PDE1A: variants seen among roughly 807,000 people sequenced by gnomAD.
PDE1A encodes the protein phosphodiesterase 1A.
In PDE1A, 35 loss-of-function variants were observed where a neutral mutation model predicts 61.7. The observed-to-expected ratio is 0.57, with a 90% CI of 0.43 to 0.75. The LOEUF (loss-of-function observed/expected upper bound fraction) is 0.75, where lower values mean the gene tolerates loss of function less well. Among genes scored for constraint, PDE1A ranks in the 30% least tolerant of loss-of-function variants. PDE1A has a pLI of 0.00. For missense variants in PDE1A, 597 were observed against 630.6 expected (o/e 0.95, Z 0.57); for synonymous variants, 232 against 213.2 (o/e 1.09, Z -0.77).
intron 1 of PDE1A, among the ~76,000 whole-genome samples, chr2:182,419,886 A>G (rs1475914441): frequency 6.6e-6 from 1 of 152,152 alleles, no homozygotes; most frequent in Middle Eastern, 3.2e-3. Flanking sequence ...TCTTACTTAT[A>G]AAATACATTC....
intron 1 of PDE1A, among the ~76,000 whole-genome samples, chr2:182,268,725 T>C (rs1290695951): frequency 6.6e-6 from 1 of 152,136 alleles, no homozygotes; most frequent in Non-Finnish European, 1.5e-5. Context: ...CTACCATTTG[T>C]TACTGTCTTA....
At chr2:182,420,402 C>T (rs947719192) in intron 1 of PDE1A, among the ~76,000 whole-genome samples, 2 of 152,140 alleles carry the variant, frequency 1.3e-5, no homozygotes, top group Admixed American at 1.3e-4. Flanking sequence ...TCAGTTGGAA[C>T]TGACATAACT....
At chr2:182,257,642 GCA>G (rs931318640) in intron 2 of PDE1A, among the ~76,000 whole-genome samples, 42 of 152,170 alleles carry the variant, frequency 2.8e-4, no homozygotes, top group African/African-American at 1.0e-3. Flanking sequence ...AATTTAGACT[GCA>G]CAGTCTTTTA....
At chr2:182,635,210 A>G in the PDE1A span, among the ~76,000 whole-genome samples, 1 of 152,064 alleles carries the variant, frequency 6.6e-6, no homozygotes, top group Non-Finnish European at 1.5e-5. Context: ...GTTGCTTTTA[A>G]TACCATTGAT....
the PDE1A span, among the ~76,000 whole-genome samples, chr2:182,589,393 G>A: frequency 6.6e-6 from 1 of 152,038 alleles, no homozygotes; most frequent in African/African-American, 2.4e-5. Flanking sequence ...TAGTGTGCAA[G>A]TGTAGAGATT....
chr2:182,592,869 C>G, the PDE1A span, among the ~76,000 whole-genome samples: 1 of 152,132 alleles, frequency 6.6e-6, no homozygotes, highest in Non-Finnish European at 1.5e-5. Flanking sequence ...CCTCTCTGGA[C>G]AGTGTACTTG....
At chr2:182,692,596 C>T in the PDE1A span, among the ~76,000 whole-genome samples, 1 of 151,036 alleles carries the variant, frequency 6.6e-6, no homozygotes, top group African/African-American at 2.4e-5. Flanking sequence ...TGCAGCACAC[C>T]AACATGGCAC....
the PDE1A span, among the ~76,000 whole-genome samples, chr2:182,624,176 A>G: frequency 6.6e-6 from 1 of 151,702 alleles, no homozygotes; most frequent in East Asian, 1.9e-4. Context: ...TTCCCATTTT[A>G]CACTGAAATC....
chr2:182,331,487 A>T (rs186695200), intron 1 of PDE1A, among the ~76,000 whole-genome samples: 13 of 152,282 alleles, frequency 8.5e-5, no homozygotes, highest in Admixed American at 3.3e-4. Flanking sequence ...GGCTGGTACC[A>T]GTTTTTCCTT....
chr2:182,168,215 G>A, exon 14 of PDE1A: 1 of 1,573,052 alleles, frequency 6.4e-7, no homozygotes, highest in Non-Finnish European at 8.6e-7. Context: ...AATTAGAGCT[G>A]CCACCATGCA....
chr2:182,540,942 T>C, the PDE1A span, among the ~76,000 whole-genome samples: 1 of 152,130 alleles, frequency 6.6e-6, no homozygotes, highest in East Asian at 1.9e-4. Context: ...TTTATGCTTA[T>C]TCCATGCAAG....
rs1358187579 is a variant in PDE1A at position 182,187,746 on chromosome 2, T to C, written c.1208-1158A>G. On this transcript the variant is annotated intron_variant, in intron 11 of 13. Coordinates refer to ENST00000351439, the Ensembl canonical transcript of PDE1A. ...ATGTTCTTTTTTTGTTCTTTTTTTT[T>C]TTTTTTTTTTTTTTTTGAGATGGAG... Among the ~76,000 whole-genome samples the C allele has an allele frequency of 1.5e-5, 2 of 130,488 alleles. 1 individual carries two copies. The highest frequency in any genetic ancestry group is 5.5e-4 in the South Asian group (2 of 3,610). The allele number at this position is 130,488 out of a possible 152,430, so 85.6% of individuals were successfully genotyped here.
chr2:182,586,041 G>C, the PDE1A span, among the ~76,000 whole-genome samples: 4 of 152,024 alleles, frequency 2.6e-5, no homozygotes, highest in African/African-American at 9.7e-5. Context: ...TTCTAAGACA[G>C]GTCAAAATAC....
the PDE1A span, among the ~76,000 whole-genome samples, chr2:182,707,898 C>T: frequency 9.2e-5 from 14 of 152,164 alleles, no homozygotes; most frequent in South Asian, 1.2e-3. Context: ...GGGTAAGATA[C>T]GCAAAGTTAC....
rs761118177 is a variant in PDE1A at position 182,246,401 on chromosome 2, C to CTTTTTTTT, written c.168-6110_168-6109insAAAAAAAA. Among the ~76,000 whole-genome samples, 81 of 61,506 alleles carry CTTTTTTTT rather than the reference C, an allele frequency of 1.3e-3. 3 individuals are homozygous for CTTTTTTTT. Among genetic ancestry groups the CTTTTTTTT allele is most frequent in the Non-Finnish European group, 1.4e-3 (47 of 34,622 alleles). The allele number at this position is 61,506 out of a possible 152,430, so 40.4% of individuals were successfully genotyped here. ...TCTACTATAGTCTTTTTTCTTTTTT[C>CTTTTTTTT]TTTCTTTTTTTTTTTTTTTTTTGAC... On this transcript the variant is annotated intron_variant, in intron 2 of 13. Transcript: ENST00000351439.
intron 8 of PDE1A, 151 bp downstream of exon 8, chr2:182,205,789 G>T: frequency 1.6e-6 from 1 of 639,560 alleles, no homozygotes; most frequent in Non-Finnish European, 2.6e-6. Context: ...AAGTCCCTAA[G>T]TACTAATCCT....
Position 182,364,466 on chromosome 2 carries a change from TAAAAAAAAAAAAAAA to T in PDE1A, c.53+62097_53+62111del, listed in dbSNP as rs201821721. Among the ~76,000 whole-genome samples, 41 of 35,850 alleles carry T rather than the reference TAAAAAAAAAAAAAAA, an allele frequency of 1.1e-3. 1 individual carries two copies. The highest frequency in any genetic ancestry group is 2.6e-3 in the South Asian group (2 of 760). The allele number at this position is 35,850 out of a possible 152,430, so 23.5% of individuals were successfully genotyped here. ...CTCAGACTATATTAGAACACTTTGG[TAAAAAAAAAAAAAAA>T]AAAAAAAAAAAAAAAAAACCTTATT... On this transcript the variant is annotated intron_variant, in intron 1 of 13. Transcript: ENST00000351439.
At chr2:182,711,296 G>A in the PDE1A span, among the ~76,000 whole-genome samples, 1 of 152,096 alleles carries the variant, frequency 6.6e-6, no homozygotes, top group Non-Finnish European at 1.5e-5. Flanking sequence ...GATTGGTTAT[G>A]TATACATACT....
intron 1 of PDE1A, among the ~76,000 whole-genome samples, chr2:182,384,859 C>A (rs183094533): frequency 1.8e-3 from 281 of 152,072 alleles, no homozygotes; most frequent in African/African-American, 6.4e-3. Flanking sequence ...TAAGACTACC[C>A]CAGTACCTAT....
Sources: allele counts gnomAD v4.1 joint callset (sites outside exome capture counted in the v4.1 genomes callset), GRCh38; gene constraint gnomAD v4.1.1; transcripts MANE v1.5; gene names NCBI Gene and HGNC (gene_info 2026-07-23, HGNC 2026-07-21).